TSHR: variants seen among roughly 807,000 people sequenced by gnomAD.
TSHR encodes thyrotropin receptor.
TSHR carries 51 observed loss-of-function variants against 64.1 expected under a neutral mutation model. The ratio of observed to expected loss-of-function variants is 0.80; its 90% CI spans 0.64 to 1.01. TSHR has a LOEUF of 1.01. Among genes scored for constraint, TSHR ranks in the 50% least tolerant of loss-of-function variants. The pLI is 0.00. For missense variants in TSHR, 877 were observed against 942.8 expected (o/e 0.93, Z 0.91); for synonymous variants, 361 against 361.9 (o/e 1.00, Z 0.03).
intron 8 of TSHR, among the ~76,000 whole-genome samples, chr14:81,124,188 T>C (rs77683825): frequency 1.3e-5 from 2 of 152,104 alleles, no homozygotes; most frequent in African/African-American, 2.4e-5. Flanking sequence ...ACAAGGGTCA[T>C]GGCACTGTCA....
intron 1 of TSHR, chr14:80,982,499 A>G: frequency 9.5e-7 from 1 of 1,049,152 alleles, no homozygotes. Context: ...GAGGAGGAAG[A>G]GAATGTCATT....
In TSHR at chr14:81,092,617, T is replaced by A. The variant is rs774195333; in HGVS notation, c.545+9T>A. ...AATGAAACCTTGACACTGTGAGTAT[T>A]ACCAGTTCTACTCCCTCCATCAACT... On this transcript the variant is annotated intron_variant, in intron 6 of 9. Transcript: ENST00000298171. 6.2e-7 allele frequency: 1 copy of A among 1,612,260 alleles called. No individual in the cohort carries two copies. Among genetic ancestry groups the A allele is most frequent in the African/African-American group, 1.3e-5 (1 of 74,988 alleles).
intron 1 of TSHR, among the ~76,000 whole-genome samples, chr14:80,998,723 C>T (rs10133525): frequency 0.052 from 7,847 of 151,816 alleles, 650 homozygotes; most frequent in African/African-American, 0.18. Context: ...GCCTAAGAAA[C>T]AGTGTGTGCA....
intron 1 of TSHR, among the ~76,000 whole-genome samples, chr14:80,971,146 G>A (rs75999661): frequency 0.017 from 2,578 of 152,202 alleles, 73 homozygotes; most frequent in African/African-American, 0.059. Context: ...TTAGAATGCC[G>A]CAGACTAAGC....
chr14:80,972,495 A>C (rs1197267892), intron 1 of TSHR, among the ~76,000 whole-genome samples: 1 of 152,146 alleles, frequency 6.6e-6, no homozygotes, highest in Non-Finnish European at 1.5e-5. Flanking sequence ...CAGAATTCAA[A>C]TTCATGTCTC....
At position 81,135,991 on chromosome 14, in the gene TSHR, C is replaced by T. The variant is rs570980707; in HGVS notation, c.693-3688C>T. Among the ~76,000 whole-genome samples, 6 of 152,294 alleles carry T rather than the reference C, an allele frequency of 3.9e-5. No homozygotes were observed. The South Asian group carries it at 6.2e-4, about 16-fold the overall frequency. The stretch of plus-strand genomic sequence containing the variant: ...CAGCATGCCTAATGGATACTTAGAA[C>T]GATGACAAGTGAGGATTAAGATGTC... On this transcript the variant is annotated intron_variant, in intron 8 of 9. Transcript: ENST00000298171.
At chr14:81,138,396 G>C (rs1332419753) in intron 8 of TSHR, among the ~76,000 whole-genome samples, 3 of 151,694 alleles carry the variant, frequency 2.0e-5, no homozygotes, top group Non-Finnish European at 4.4e-5. Flanking sequence ...TCACTATGTT[G>C]GCCATGCTGG....
At chr14:81,129,895 G>A (rs1402699207) in intron 8 of TSHR, among the ~76,000 whole-genome samples, 1 of 152,158 alleles carries the variant, frequency 6.6e-6, no homozygotes, top group African/African-American at 2.4e-5. Flanking sequence ...CTAATCATCT[G>A]TATTCCCCTC....
chr14:81,131,522 G>A, intron 8 of TSHR, among the ~76,000 whole-genome samples: 1 of 152,216 alleles, frequency 6.6e-6, no homozygotes, highest in East Asian at 1.9e-4. Context: ...TACGTCCGCT[G>A]ACTTCTCCCA....
intron 1 of TSHR, chr14:80,983,305 T>C: frequency 8.8e-7 from 1 of 1,137,956 alleles, no homozygotes; most frequent in Non-Finnish European, 1.3e-6. Flanking sequence ...ACTGATTTTG[T>C]CCATCACTAC....
At chr14:80,967,482 A>G (rs766068887) in intron 1 of TSHR, among the ~76,000 whole-genome samples, 1 of 151,822 alleles carries the variant, frequency 6.6e-6, no homozygotes, top group Non-Finnish European at 1.5e-5. Flanking sequence ...ATGGGTTTTC[A>G]CCATGTTGGT....
chr14:81,009,064 G>C (rs1466792290), intron 1 of TSHR, among the ~76,000 whole-genome samples: 2 of 152,194 alleles, frequency 1.3e-5, no homozygotes, highest in Non-Finnish European at 1.5e-5. Context: ...AATTCAGAGA[G>C]AGTGATTCTT....
intron 8 of TSHR, among the ~76,000 whole-genome samples, chr14:81,135,659 A>G (rs1051821248): frequency 1.3e-5 from 2 of 152,230 alleles, no homozygotes; most frequent in African/African-American, 4.8e-5. Flanking sequence ...GAGACTCCAC[A>G]AGGACATCGA....
intron 1 of TSHR, among the ~76,000 whole-genome samples, chr14:80,971,494 C>A (rs1176853702): frequency 6.6e-6 from 1 of 152,182 alleles, no homozygotes; most frequent in Non-Finnish European, 1.5e-5. Flanking sequence ...GTGCTACAGG[C>A]TGTGCTGATG....
At chr14:81,094,679 A>ATTTTGTTTTTTTTTTTT (rs1889014658) in intron 6 of TSHR, among the ~76,000 whole-genome samples, 1 of 76,242 alleles carries the variant, frequency 1.3e-5, no homozygotes. Flanking sequence ...TATTTTTTTA[A>ATTTTGTTTTTTTTTTTT]TTTTTTTTTT....
intron 1 of TSHR, among the ~76,000 whole-genome samples, chr14:81,056,197 T>C (rs1222700347): frequency 1.3e-5 from 2 of 152,182 alleles, no homozygotes; most frequent in East Asian, 3.9e-4. Context: ...GACTTGCTCC[T>C]CCTTGACTTC....
intron 1 of TSHR, 94 bp downstream of exon 1, chr14:80,955,944 G>C (rs900816207): frequency 6.8e-7 from 1 of 1,463,030 alleles, no homozygotes; most frequent in Admixed American, 1.7e-5. Flanking sequence ...ATAACAGCCC[G>C]AAGTAGTGTG....
chr14:81,037,273 T>C (rs192688961), intron 1 of TSHR, among the ~76,000 whole-genome samples: 126 of 150,934 alleles, frequency 8.3e-4, no homozygotes, highest in African/African-American at 2.8e-3. Flanking sequence ...GTTTTTAAAA[T>C]GTAAGCCCCA....
At chr14:81,102,263 C>T (rs944076946) in intron 7 of TSHR, among the ~76,000 whole-genome samples, 1 of 151,972 alleles carries the variant, frequency 6.6e-6, no homozygotes, top group Admixed American at 6.6e-5. Context: ...CGTACGTTCA[C>T]ACCAGCTTTC....
Sources: gnomAD v4.1 joint callset for allele counts (sites outside exome capture counted in the v4.1 genomes callset) on GRCh38, gnomAD v4.1.1 for gene constraint, MANE v1.5 for transcripts, NCBI Gene and HGNC (gene_info 2026-07-23, HGNC 2026-07-21) for gene names.